The following SDK1 variants were observed in gnomAD, a reference collection of about 807,000 sequenced individuals.
SDK1 encodes protein sidekick-1.
A neutral mutation model predicts 245.5 loss-of-function variants in SDK1; 157 were observed. The observed-to-expected ratio is 0.64, with a 90% CI of 0.56 to 0.73. The LOEUF is 0.73. Among genes scored for constraint, SDK1 ranks in the 30% least tolerant of loss-of-function variants. SDK1 has a pLI of 0.00. For synonymous variants in SDK1, 1,647 were observed against 1,278.5 expected, an observed-to-expected ratio of 1.29 and a Z score of -6.15; for missense variants, 3,583 against 3,002.3, an observed-to-expected ratio of 1.19 and a Z score of -4.52.
In SDK1 at chr7:4,265,746, G is replaced by A; in HGVS notation, c.*362G>A. The A allele has an allele frequency of 9.5e-7, 1 of 1,053,886 alleles. No homozygotes were observed. 65.3% of individuals were successfully genotyped at this position (1,053,886 alleles called of 1,614,324 possible). A position where few individuals can be genotyped will look rare whatever the true frequency, so the allele number is the denominator to read the frequency against. On this transcript the variant is annotated 3_prime_UTR_variant, in exon 45 of 45. Transcript: ENST00000404826. ...AGGAAGGGTCAAGCGGGGAGAGGGA[G>A]TGGAGGGTCAGGTGAGATCTCAGAG...
intron 4 of SDK1, among the ~76,000 whole-genome samples, chr7:3,667,860 T>G (rs376818569): frequency 2.0e-5 from 3 of 152,364 alleles, no homozygotes; most frequent in South Asian, 2.1e-4. Context: ...GAAGGGCATT[T>G]GGGATTGTTC....
Position 3,658,130 on chromosome 7 carries a change from A to G in SDK1, c.713+16025A>G, listed in dbSNP as rs560125474. Among the ~76,000 whole-genome samples, 5 of 152,296 alleles carry G rather than the reference A, an allele frequency of 3.3e-5. No individual in the cohort carries two copies. In the East Asian group the frequency reaches 5.8e-4, roughly 18 times the overall value. On this transcript the variant is annotated intron_variant, in intron 4 of 44. Coordinates refer to ENST00000404826, the MANE Select transcript of SDK1 (RefSeq NM_152744.4). ...GATAACACCCTGGCTTGCCCGCCTC[A>G]CAGGACTTTTACTTTGGTGCGTGAT...
intron 4 of SDK1, among the ~76,000 whole-genome samples, chr7:3,673,333 G>A (rs543678320): frequency 5.3e-5 from 8 of 152,210 alleles, no homozygotes; most frequent in Admixed American, 3.3e-4. Flanking sequence ...GAGCTAGACA[G>A]TGTCAATAGA....
At chr7:4,142,700 T>G (rs1201026853) in intron 28 of SDK1, among the ~76,000 whole-genome samples, 6 of 152,190 alleles carry the variant, frequency 3.9e-5, no homozygotes. Context: ...TGACCTCAAG[T>G]GATCCACCCT....
Position 4,145,844 on chromosome 7 carries a change from A to G in SDK1, c.4351A>G (p.Arg1451Gly), listed in dbSNP as rs374868471. ...DLAPESAYIFRLSAKTRQGWG... is the reference protein window; with the variant it reads ...DLAPESAYIFGLSAKTRQGWG... ...GGCCCCGGAGTCCGCATACATCTTC[A>G]GGCTGTCCGCCAAGACGAGGCAGGG... Residue 1451 changes from arginine (R) to glycine (G), a missense_variant, in exon 29 of 45, where the codon AGG (arginine) becomes GGG (glycine). By Grantham distance (125) the Arg-to-Gly change is moderately radical. Coordinates refer to ENST00000404826, the MANE Select transcript of SDK1 (RefSeq NM_152744.4). 1.9e-6 allele frequency: 3 copies of G among 1,613,782 alleles called. No homozygotes were observed. Among genetic ancestry groups the G allele is most frequent in the Non-Finnish European group, 1.7e-6 (2 of 1,179,930 alleles).
At chr7:3,997,592 G>T (rs966557890) in intron 14 of SDK1, among the ~76,000 whole-genome samples, 1 of 152,196 alleles carries the variant, frequency 6.6e-6, no homozygotes, top group African/African-American at 2.4e-5. Flanking sequence ...GCAGAGGGTA[G>T]CTCCTCTTTA....
At chr7:3,701,777 C>A (rs1238580778) in intron 4 of SDK1, among the ~76,000 whole-genome samples, 2 of 151,892 alleles carry the variant, frequency 1.3e-5, no homozygotes, top group Non-Finnish European at 2.9e-5. Flanking sequence ...GGGATAGACA[C>A]ATGAATCAAT....
At chr7:3,800,567 G>C (rs952424361) in intron 4 of SDK1, among the ~76,000 whole-genome samples, 7 of 151,912 alleles carry the variant, frequency 4.6e-5, no homozygotes, top group African/African-American at 1.5e-4. Context: ...ATTTTTACTA[G>C]AGACGGGTTA....
chr7:4,033,900 T>A (rs1254589603), intron 17 of SDK1, among the ~76,000 whole-genome samples: 4 of 151,968 alleles, frequency 2.6e-5, no homozygotes, highest in Non-Finnish European at 5.9e-5. Context: ...CTAGAACTAG[T>A]GGGAGAAGTT....
chr7:3,348,689 C>T (rs989581614), intron 1 of SDK1, among the ~76,000 whole-genome samples: 4 of 152,116 alleles, frequency 2.6e-5, no homozygotes, highest in African/African-American at 9.7e-5. Context: ...ACCCCCAAAT[C>T]TGAAATAAAA....
intron 14 of SDK1, among the ~76,000 whole-genome samples, chr7:3,989,497 A>T (rs1784132221): frequency 6.6e-6 from 1 of 152,158 alleles, no homozygotes; most frequent in Non-Finnish European, 1.5e-5. Flanking sequence ...AGCCTCCCCC[A>T]GGCAGAGCCA....
At chr7:4,017,385 G>A in intron 17 of SDK1, 33 bp downstream of exon 17, 1 of 1,570,234 alleles carries the variant, frequency 6.4e-7, no homozygotes, top group South Asian at 1.2e-5. Context: ...GAGGTGGCGG[G>A]ATCTTTGCCG....
At chr7:3,540,383 G>C (rs560300839) in intron 1 of SDK1, among the ~76,000 whole-genome samples, 2 of 152,312 alleles carry the variant, frequency 1.3e-5, no homozygotes, top group South Asian at 4.1e-4. Flanking sequence ...CTGCAGTCTG[G>C]GTGAAAGAGT....
chr7:3,699,615 ACAAACCT>A (rs754128919), intron 4 of SDK1, among the ~76,000 whole-genome samples: 9 of 152,174 alleles, frequency 5.9e-5, no homozygotes, highest in Non-Finnish European at 1.3e-4. Context: ...GACTAAACAA[ACAAACCT>A]CAGAGCCTCA....
At chr7:4,080,103 G>C (rs1220651621) in intron 22 of SDK1, among the ~76,000 whole-genome samples, 1 of 152,166 alleles carries the variant, frequency 6.6e-6, no homozygotes, top group Non-Finnish European at 1.5e-5. Flanking sequence ...ACCTCCAGCT[G>C]TGGGAAAGCT....
chr7:3,528,254 G>C (rs1046448633), intron 1 of SDK1, among the ~76,000 whole-genome samples: 6 of 146,918 alleles, frequency 4.1e-5, no homozygotes, highest in Non-Finnish European at 9.0e-5. Flanking sequence ...TATTCAGCTA[G>C]GGGGTGAGTG....
intron 1 of SDK1, among the ~76,000 whole-genome samples, chr7:3,351,876 A>C (rs192314874): frequency 6.6e-6 from 1 of 152,228 alleles, no homozygotes; most frequent in East Asian, 1.9e-4. Flanking sequence ...ATGATCAATG[A>C]ACAAATCTGA....
intron 1 of SDK1, among the ~76,000 whole-genome samples, chr7:3,459,859 A>G (rs1489340384): frequency 2.6e-5 from 4 of 152,178 alleles, no homozygotes; most frequent in Non-Finnish European, 4.4e-5. Context: ...AAAAGGAGAG[A>G]GAAATAATGT....
chr7:3,821,639 C>CA (rs1779648749), intron 5 of SDK1, 56 bp downstream of exon 5: 2 of 1,577,936 alleles, frequency 1.3e-6, no homozygotes, highest in Admixed American at 3.5e-5. Context: ...TTGCTTTAAT[C>CA]AGTAACCACT....
Sources: gnomAD v4.1 joint callset for allele counts (sites outside exome capture counted in the v4.1 genomes callset) on GRCh38, gnomAD v4.1.1 for gene constraint, MANE v1.5 for transcripts, NCBI Gene and HGNC (gene_info 2026-07-23, HGNC 2026-07-21) for gene names.